Variants in GALNT13 observed in about 807,000 individuals in gnomAD.
The protein encoded by GALNT13 is polypeptide N-acetylgalactosaminyltransferase 13.
A neutral mutation model predicts 64.2 loss-of-function variants in GALNT13; 28 were observed. The observed-to-expected ratio is 0.44, with a 90% CI of 0.32 to 0.60. GALNT13 has a LOEUF of 0.60. Among genes scored for constraint, GALNT13 ranks in the 20% least tolerant of loss-of-function variants. GALNT13 has a pLI of 0.05. For missense variants in GALNT13, 577 were observed against 669.8 expected, an observed-to-expected ratio of 0.86 and a Z score of 1.53; for synonymous variants, 214 against 224.6, an observed-to-expected ratio of 0.95 and a Z score of 0.42.
At chr2:154,209,020 A>G (rs1687624814) in intron 4 of GALNT13, among the ~76,000 whole-genome samples, 1 of 152,120 alleles carries the variant, frequency 6.6e-6, no homozygotes, top group Non-Finnish European at 1.5e-5. Flanking sequence ...TAAACATTGA[A>G]GACATCCCTT....
chr2:153,336,294 C>CT, the GALNT13 span, among the ~76,000 whole-genome samples: 1 of 152,116 alleles, frequency 6.6e-6, no homozygotes, highest in Non-Finnish European at 1.5e-5. Context: ...CTACCAACAG[C>CT]TTGCACTTTG....
intron 3 of GALNT13, among the ~76,000 whole-genome samples, chr2:154,126,424 A>G (rs1682264968): frequency 6.6e-6 from 1 of 152,100 alleles, no homozygotes; most frequent in Admixed American, 6.6e-5. Flanking sequence ...TCACGAGGTC[A>G]GGGGATGGAG....
At chr2:154,224,931 C>T (rs1049038599) in intron 4 of GALNT13, among the ~76,000 whole-genome samples, 13 of 151,956 alleles carry the variant, frequency 8.6e-5, no homozygotes, top group Admixed American at 5.9e-4. Flanking sequence ...AAAAGACAAA[C>T]GTCAAACTGA....
the GALNT13 span, among the ~76,000 whole-genome samples, chr2:153,096,039 GTAAA>G: frequency 0.39 from 59,384 of 150,580 alleles, 12,194 homozygotes; most frequent in African/African-American, 0.51. Context: ...AATAAAATAA[GTAAA>G]TAAATAAATA....
chr2:153,964,851 T>C (rs976091921), intron 3 of GALNT13, among the ~76,000 whole-genome samples: 32 of 152,128 alleles, frequency 2.1e-4, no homozygotes, highest in African/African-American at 6.5e-4. Context: ...GCATTTTGTC[T>C]TTCATAAGAT....
At chr2:154,426,478 C>T (rs1362939207) in intron 11 of GALNT13, among the ~76,000 whole-genome samples, 1 of 152,142 alleles carries the variant, frequency 6.6e-6, no homozygotes, top group African/African-American at 2.4e-5. Context: ...GGGATAGAAA[C>T]CTTCGGTCAT....
rs185589286 is a variant in GALNT13 at position 154,354,065 on chromosome 2, C to T, written c.1157-41926C>T. On this transcript the variant is annotated intron_variant, in intron 9 of 12. Transcript: ENST00000392825. ...GTTTTCTTCTCTCTACCCCCACCAC[C>T]GTTTGCTATCACTTGTCTCATTGAT... Among the ~76,000 whole-genome samples the T allele has an allele frequency of 7.4e-4, 113 of 152,252 alleles. 1 individual carries two copies. Among genetic ancestry groups the T allele is most frequent in the South Asian group, 1.5e-3 (7 of 4,824 alleles).
chr2:153,910,661 C>A (rs1003946898), intron 2 of GALNT13, among the ~76,000 whole-genome samples: 4 of 152,096 alleles, frequency 2.6e-5, no homozygotes, highest in Non-Finnish European at 5.9e-5. Flanking sequence ...TTTCAAAGAC[C>A]TTCTTGATTT....
the GALNT13 span, among the ~76,000 whole-genome samples, chr2:153,150,263 A>G: frequency 6.6e-6 from 1 of 152,036 alleles, no homozygotes; most frequent in African/African-American, 2.4e-5. Flanking sequence ...GCACCTATAA[A>G]TGTCCTCTTT....
At chr2:153,501,682 G>A in the GALNT13 span, among the ~76,000 whole-genome samples, 6 of 151,984 alleles carry the variant, frequency 3.9e-5, no homozygotes, top group African/African-American at 1.5e-4. Context: ...GTTATCTTAG[G>A]GCTTCTCATA....
At chr2:154,311,489 G>A (rs1694037189) in intron 9 of GALNT13, among the ~76,000 whole-genome samples, 2 of 152,116 alleles carry the variant, frequency 1.3e-5, no homozygotes, top group African/African-American at 2.4e-5. Context: ...CAGACATCAA[G>A]TACTTAACAG....
At chr2:153,871,457 G>T (rs540891445), upstream of GALNT13, among the ~76,000 whole-genome samples, 2 of 152,320 alleles carry the variant, frequency 1.3e-5, no homozygotes, top group African/African-American at 4.8e-5. Context: ...CTGGAGAGCC[G>T]ACGGCAAGGG....
the GALNT13 span, among the ~76,000 whole-genome samples, chr2:153,436,279 C>G: frequency 6.6e-6 from 1 of 152,136 alleles, no homozygotes; most frequent in Non-Finnish European, 1.5e-5. Context: ...GGATATTGGT[C>G]TAAAATTCTC....
chr2:154,438,863 G>T, intron 12 of GALNT13, 137 bp downstream of exon 12: 1 of 645,258 alleles, frequency 1.5e-6, no homozygotes, highest in Non-Finnish European at 2.6e-6. Flanking sequence ...GCTCATATCC[G>T]GTAATATTAG....
At chr2:153,430,587 C>T in the GALNT13 span, among the ~76,000 whole-genome samples, 1 of 149,610 alleles carries the variant, frequency 6.7e-6, no homozygotes, top group Non-Finnish European at 1.5e-5. Flanking sequence ...AGGGGGATCA[C>T]AGATCTCTTG....
At chr2:153,189,381 T>C in the GALNT13 span, among the ~76,000 whole-genome samples, 1 of 152,216 alleles carries the variant, frequency 6.6e-6, no homozygotes, top group Non-Finnish European at 1.5e-5. Context: ...GTTTCATCCA[T>C]GTTGCTGCAA....
At chr2:153,483,407 ATTCT>A in the GALNT13 span, among the ~76,000 whole-genome samples, 1 of 144,490 alleles carries the variant, frequency 6.9e-6, no homozygotes, top group Non-Finnish European at 1.5e-5. Context: ...AAGGAATAAA[ATTCT>A]TTTTTTTTTT....
the GALNT13 span, among the ~76,000 whole-genome samples, chr2:153,122,140 A>T: frequency 2.0e-5 from 3 of 152,120 alleles, no homozygotes; most frequent in Non-Finnish European, 4.4e-5. Context: ...AGTTTTGATT[A>T]AAAATAATTT....
intron 3 of GALNT13, among the ~76,000 whole-genome samples, chr2:153,958,070 A>G (rs1692698492): frequency 6.6e-6 from 1 of 152,148 alleles, no homozygotes; most frequent in African/African-American, 2.4e-5. Context: ...GTTTGACTTT[A>G]GATGCTGGTA....
Sources: gnomAD v4.1 joint callset for allele counts (sites outside exome capture counted in the v4.1 genomes callset) on GRCh38, gnomAD v4.1.1 for gene constraint, MANE v1.5 for transcripts, NCBI Gene and HGNC (gene_info 2026-07-23, HGNC 2026-07-21) for gene names.